The following PPARGC1A variants were observed in gnomAD, a reference collection of about 807,000 sequenced individuals.
PPARGC1A encodes PPARG coactivator 1 alpha, also known as peroxisome proliferator-activated receptor gamma coactivator 1-alpha.
In PPARGC1A, 25 loss-of-function variants were observed where a neutral mutation model predicts 88.7. The observed-to-expected ratio is 0.28, with a 90% CI of 0.21 to 0.39. The LOEUF is 0.39. Ranked by LOEUF, PPARGC1A falls within the 10% of genes least tolerant of loss-of-function variation. The probability of loss-of-function intolerance (pLI) is 1.00; values close to 1 mark genes in which losing one functional copy is unlikely to be tolerated. For synonymous variants in PPARGC1A, 363 were observed against 355.6 expected (o/e 1.02, Z -0.24); for missense variants, 880 against 968.7 (o/e 0.91, Z 1.22).
chr4:24,453,655 C>G, the PPARGC1A span, among the ~76,000 whole-genome samples: 1 of 152,142 alleles, frequency 6.6e-6, no homozygotes, highest in Admixed American at 6.5e-5. Context: ...TGGCACATGC[C>G]TGTAATCTGA....
the PPARGC1A span, among the ~76,000 whole-genome samples, chr4:24,437,855 T>G: frequency 2.0e-5 from 3 of 151,946 alleles, no homozygotes. Flanking sequence ...TTTTGGTTTT[T>G]AAGTAGAGAA....
chr4:24,133,422 C>T, the PPARGC1A span, among the ~76,000 whole-genome samples: 940 of 152,292 alleles, frequency 6.2e-3, 2 homozygotes, highest in Non-Finnish European at 9.7e-3. Context: ...ATTTACACTA[C>T]AGAAATAAAC....
the PPARGC1A span, among the ~76,000 whole-genome samples, chr4:23,963,392 G>A: frequency 2.6e-5 from 4 of 152,238 alleles, no homozygotes; most frequent in South Asian, 4.1e-4. Flanking sequence ...AGACAATCCC[G>A]GATGAACTTT....
chr4:24,113,017 T>C, the PPARGC1A span, among the ~76,000 whole-genome samples: 2 of 152,224 alleles, frequency 1.3e-5, no homozygotes, highest in African/African-American at 4.8e-5. Flanking sequence ...TAGATAGATA[T>C]AAAATGCTCA....
At chr4:24,231,737 CT>C in the PPARGC1A span, among the ~76,000 whole-genome samples, 138 of 149,408 alleles carry the variant, frequency 9.2e-4, 1 homozygote, top group African/African-American at 2.6e-3. Context: ...GGGATATGTG[CT>C]TTTTTTTTTC....
At chr4:23,846,284 A>G (rs1728311135) in intron 2 of PPARGC1A, among the ~76,000 whole-genome samples, 1 of 152,184 alleles carries the variant, frequency 6.6e-6, no homozygotes. Flanking sequence ...TTCCAACAGT[A>G]TGATGTTGGA....
the PPARGC1A span, among the ~76,000 whole-genome samples, chr4:24,386,498 G>A: frequency 3.9e-5 from 6 of 152,226 alleles, no homozygotes; most frequent in East Asian, 3.9e-4. Flanking sequence ...AAACTCCATC[G>A]TCTCAGCCCA....
chr4:24,206,286 C>A, the PPARGC1A span, among the ~76,000 whole-genome samples: 1 of 152,118 alleles, frequency 6.6e-6, no homozygotes, highest in Non-Finnish European at 1.5e-5. Flanking sequence ...AGCCTTCTCA[C>A]CTAAATTAAG....
chr4:24,429,579 A>G, the PPARGC1A span, among the ~76,000 whole-genome samples: 3 of 152,172 alleles, frequency 2.0e-5, no homozygotes, highest in Non-Finnish European at 4.4e-5. Context: ...TTGCCAACAG[A>G]AAAGCAAAGC....
chr4:24,082,144 GT>G, the PPARGC1A span, among the ~76,000 whole-genome samples: 10 of 152,138 alleles, frequency 6.6e-5, no homozygotes, highest in Non-Finnish European at 1.5e-4. Flanking sequence ...GAGCCAGCCT[GT>G]TTCCATTTCA....
the PPARGC1A span, among the ~76,000 whole-genome samples, chr4:24,240,538 C>T: frequency 6.6e-6 from 1 of 152,068 alleles, no homozygotes; most frequent in Non-Finnish European, 1.5e-5. Context: ...AATTAAACTA[C>T]CAAAAATTCA....
the PPARGC1A span, among the ~76,000 whole-genome samples, chr4:23,997,973 C>T: frequency 7.2e-5 from 11 of 152,272 alleles, no homozygotes; most frequent in South Asian, 2.1e-4. Context: ...TGATATTCTT[C>T]GGCCATAATG....
At chr4:24,017,295 G>A in the PPARGC1A span, among the ~76,000 whole-genome samples, 1 of 152,294 alleles carries the variant, frequency 6.6e-6, no homozygotes, top group South Asian at 2.1e-4. Context: ...CAGTAGAACA[G>A]AAAATATGAA....
chr4:24,200,757 T>C, the PPARGC1A span, among the ~76,000 whole-genome samples: 5 of 151,902 alleles, frequency 3.3e-5, no homozygotes, highest in African/African-American at 1.2e-4. Flanking sequence ...GCATTTGCTA[T>C]ATTATCCTCT....
chr4:24,024,559 T>G, the PPARGC1A span, among the ~76,000 whole-genome samples: 2 of 152,204 alleles, frequency 1.3e-5, no homozygotes, highest in Non-Finnish European at 2.9e-5. Flanking sequence ...ATACCTGGTG[T>G]GAGAGTCCCT....
At chr4:24,307,781 C>T in the PPARGC1A span, among the ~76,000 whole-genome samples, 1 of 152,174 alleles carries the variant, frequency 6.6e-6, no homozygotes, top group African/African-American at 2.4e-5. Context: ...GACTCTCGAG[C>T]CCACCCTCAT....
the PPARGC1A span, among the ~76,000 whole-genome samples, chr4:24,046,408 C>T: frequency 0.029 from 4,438 of 152,206 alleles, 205 homozygotes; most frequent in African/African-American, 0.1. Flanking sequence ...CTCAAAGGAG[C>T]CCCTTCTTCC....
chr4:23,930,487 AACAACAATGATG>A, the PPARGC1A span, among the ~76,000 whole-genome samples: 2 of 152,196 alleles, frequency 1.3e-5, no homozygotes, highest in African/African-American at 4.8e-5. Context: ...CAACCTTAAC[AACAACAATGATG>A]ACAAAGGTAT....
chr4:23,840,534 C>T (rs1726875386), intron 2 of PPARGC1A, among the ~76,000 whole-genome samples: 2 of 152,080 alleles, frequency 1.3e-5, no homozygotes, highest in South Asian at 4.1e-4. Flanking sequence ...TGCAACATTT[C>T]CCAACTACTC....
Sources: allele counts gnomAD v4.1 joint callset (sites outside exome capture counted in the v4.1 genomes callset), GRCh38; gene constraint gnomAD v4.1.1; transcripts MANE v1.5; gene names NCBI Gene and HGNC (gene_info 2026-07-23, HGNC 2026-07-21).